USP48: variants seen among roughly 807,000 people sequenced by gnomAD.
USP48 encodes ubiquitin carboxyl-terminal hydrolase 48.
A neutral mutation model predicts 150.7 loss-of-function variants in USP48; 43 were observed. The ratio of observed to expected loss-of-function variants is 0.29; its 90% confidence interval spans 0.22 to 0.37. USP48 has a LOEUF of 0.37. USP48 is among the 10% of genes least tolerant of loss of function. USP48 has a pLI of 1.00. For synonymous variants in USP48, 396 were observed against 425.9 expected (o/e 0.93, Z 0.86); for missense variants, 813 against 1,249.6 (o/e 0.65, Z 5.27).
At chr1:21,774,614 G>A (rs1457191150) in intron 1 of USP48, among the ~76,000 whole-genome samples, 1 of 151,946 alleles carries the variant, frequency 6.6e-6, no homozygotes, top group Non-Finnish European at 1.5e-5. Context: ...TTGAACCCGG[G>A]AGGCAGAGGT....
intron 26 of USP48, among the ~76,000 whole-genome samples, chr1:21,679,941 G>A (rs541555275): frequency 2.6e-4 from 39 of 152,118 alleles, no homozygotes; most frequent in Non-Finnish European, 4.7e-4. Context: ...TGACCCACCC[G>A]TCTCAACCTC....
chr1:21,742,924 C>T (rs1461779049), intron 8 of USP48, among the ~76,000 whole-genome samples: 2 of 152,142 alleles, frequency 1.3e-5, no homozygotes, highest in Admixed American at 6.5e-5. Flanking sequence ...ATAACCAGCT[C>T]GGGTAGAGAG....
intron 25 of USP48, among the ~76,000 whole-genome samples, chr1:21,681,634 A>G (rs2097566203): frequency 6.6e-6 from 1 of 152,150 alleles, no homozygotes; most frequent in African/African-American, 2.4e-5. Flanking sequence ...TACCACTTAC[A>G]TAGCACCTGC....
At chr1:21,687,395 T>C (rs1311888016) in intron 24 of USP48, among the ~76,000 whole-genome samples, 156 bp from the exon 25 acceptor site, 1 of 152,218 alleles carries the variant, frequency 6.6e-6, no homozygotes, top group African/African-American at 2.4e-5. Context: ...CGTCCAGGTT[T>C]AACAGCAGAT....
At chr1:21,720,351 T>C (rs976670113) in intron 14 of USP48, among the ~76,000 whole-genome samples, 1 of 152,162 alleles carries the variant, frequency 6.6e-6, no homozygotes, top group East Asian at 1.9e-4. Context: ...CGAAGCATGA[T>C]AGGTTATAAA....
At chr1:21,685,511 C>T (rs560860547) in intron 25 of USP48, among the ~76,000 whole-genome samples, 7 of 152,174 alleles carry the variant, frequency 4.6e-5, no homozygotes, top group South Asian at 4.1e-4. Context: ...GATGGGGTTT[C>T]GCCATGTTGG....
At chr1:21,723,331 G>C (rs1353323534) in intron 12 of USP48, among the ~76,000 whole-genome samples, 1 of 151,908 alleles carries the variant, frequency 6.6e-6, no homozygotes, top group Non-Finnish European at 1.5e-5. Flanking sequence ...ACCAGCCTGG[G>C]CAACACAGTG....
At chr1:21,720,697 A>G (rs2097718104) in intron 14 of USP48, among the ~76,000 whole-genome samples, 2 of 151,728 alleles carry the variant, frequency 1.3e-5, no homozygotes, top group African/African-American at 4.8e-5. Context: ...CTGGCTAATT[A>G]TTTTTGTATT....
chr1:21,764,863 G>A (rs1399299709), intron 1 of USP48, among the ~76,000 whole-genome samples: 1 of 152,102 alleles, frequency 6.6e-6, no homozygotes, highest in Non-Finnish European at 1.5e-5. Flanking sequence ...CTGGCAACCA[G>A]CCCATGTGGA....
At chr1:21,732,203 C>T (rs534746528) in intron 9 of USP48, among the ~76,000 whole-genome samples, 9 of 152,256 alleles carry the variant, frequency 5.9e-5, no homozygotes, top group African/African-American at 2.2e-4. Context: ...TGCTTGAACC[C>T]AGAAGGCGGA....
At chr1:21,686,412 A>G (rs1316362854) in intron 25 of USP48, 2 of 152,186 alleles carry the variant, frequency 1.3e-5, no homozygotes, top group Non-Finnish European at 2.9e-5. Context: ...GAATTTTATC[A>G]AATGCTTTTT....
In USP48 at chr1:21,706,798, G is replaced by A. The variant is rs1384187669; in HGVS notation, c.2034C>T (p.Tyr678=). Reference sequence around the variant, plus strand: ...TTGGAAACTCAGGAGCCTTTGGAAAGTACTGCTGCAGTTTGCTCCAAGCCT... The same window carrying A: ...TTGGAAACTCAGGAGCCTTTGGAAAATACTGCTGCAGTTTGCTCCAAGCCT... ...SKEAWSKLQQ[Y]FPKAPEFPSY... is the part of the protein sequence containing the mutation. The change falls in exon 16 of 27, where the codon TAC becomes TAT. Residue 678 remains tyrosine (Y), a synonymous_variant. Coordinates refer to ENST00000308271, the MANE Select transcript of USP48 (RefSeq NM_032236.8). 1 of 1,613,572 alleles carries A rather than the reference G, an allele frequency of 6.2e-7. No individual in the cohort carries two copies. Among genetic ancestry groups the A allele is most frequent in the African/African-American group, 1.3e-5 (1 of 74,826 alleles).
At chr1:21,756,168 A>AAATAAT (rs111749356) in intron 3 of USP48, among the ~76,000 whole-genome samples, 3 of 151,078 alleles carry the variant, frequency 2.0e-5, no homozygotes, top group African/African-American at 2.4e-5. Flanking sequence ...TGTCTTAAAA[A>AAATAAT]AATAATAATA....
intron 8 of USP48, among the ~76,000 whole-genome samples, chr1:21,744,403 C>T (rs1187313830): frequency 2.7e-5 from 4 of 149,494 alleles, no homozygotes; most frequent in Non-Finnish European, 4.4e-5. Context: ...GTCGAAATTG[C>T]ACCACTGCAC....
At chr1:21,747,587 T>C (rs1557558190) in intron 7 of USP48, among the ~76,000 whole-genome samples, 1 of 151,730 alleles carries the variant, frequency 6.6e-6, no homozygotes, top group Non-Finnish European at 1.5e-5. Flanking sequence ...TTTTTTTTTT[T>C]CCAAGACAGA....
chr1:21,723,013 T>C (rs960838200), intron 12 of USP48, among the ~76,000 whole-genome samples: 10 of 152,198 alleles, frequency 6.6e-5, no homozygotes, highest in Admixed American at 2.0e-4. Flanking sequence ...TGTAATTTCC[T>C]ACAGCCTCAT....
At position 21,745,240 on chromosome 1, in the gene USP48, T is replaced by G. The variant is rs182795413; in HGVS notation, c.991+1827A>C. 2.6e-5 allele frequency among the ~76,000 whole-genome samples: 4 copies of G among 152,264 alleles called. No individual in the cohort carries two copies. The East Asian group carries it at 7.7e-4, about 29-fold the overall frequency. The stretch of plus-strand genomic sequence containing the variant: ...AGCCTATAACTATAAACCACTAGAT[T>G]GCTTTTACCAGTCCTAACAATTCTA... On this transcript the variant is annotated intron_variant, in intron 8 of 26. Coordinates refer to ENST00000308271, the MANE Select transcript of USP48 (RefSeq NM_032236.8).
At chr1:21,750,333 G>A (rs935199612) in intron 6 of USP48, among the ~76,000 whole-genome samples, 7 of 151,940 alleles carry the variant, frequency 4.6e-5, no homozygotes, top group Admixed American at 2.0e-4. Context: ...TGTTTCTAAC[G>A]GGGCTCACCC....
At chr1:21,719,205 C>T (rs1466776094) in intron 14 of USP48, among the ~76,000 whole-genome samples, 12 of 34,864 alleles carry the variant, frequency 3.4e-4, no homozygotes, top group African/African-American at 7.9e-4. Context: ...GGACGGGGGG[C>T]GGGGGGGCAG....
Sources: gnomAD v4.1 joint callset for allele counts (sites outside exome capture counted in the v4.1 genomes callset) on GRCh38, gnomAD v4.1.1 for gene constraint, MANE v1.5 for transcripts, NCBI Gene and HGNC (gene_info 2026-07-23, HGNC 2026-07-21) for gene names.